The following RNF227 variants were observed in gnomAD, a reference collection of about 807,000 sequenced individuals.
The protein encoded by RNF227 is ring finger protein 227.
In RNF227, 8 loss-of-function variants were observed where a neutral mutation model predicts 4.9. That is an observed-to-expected ratio of 1.65 (90% CI 0.97 to 2.98). RNF227 has a LOEUF of 2.98. Among genes scored for constraint, RNF227 ranks in the 30% most tolerant of loss-of-function variants. The pLI is 0.00. For synonymous variants in RNF227, 63 were observed against 28.1 expected, an observed-to-expected ratio of 2.25 and a Z score of -3.94; for missense variants, 136 against 65.4, an observed-to-expected ratio of 2.08 and a Z score of -3.72.
rs1433793832 is a variant in RNF227 at position 7,913,531 on chromosome 17, C to T, written c.*1991G>A. ...TTACAGAGGGGTGGGGGAAAAGGCTCTACTATGTTGAAGGCAGAAAAAGGC... is the reference window on the plus strand; with the variant it reads ...TTACAGAGGGGTGGGGGAAAAGGCTTTACTATGTTGAAGGCAGAAAAAGGC... On this transcript the variant is annotated 3_prime_UTR_variant, in exon 2 of 2. Coordinates refer to ENST00000324348, the MANE Select transcript of RNF227 (RefSeq NM_001358699.2). 3.3e-5 allele frequency: 5 copies of T among 152,154 alleles called. No individual in the cohort carries two copies. The East Asian group carries it at 9.7e-4, about 29-fold the overall frequency. 9.4% of individuals were successfully genotyped at this position (152,154 alleles called of 1,614,324 possible).
In RNF227 at chr17:7,915,905, G is replaced by A; in HGVS notation, c.291C>T (p.Asp97=). 1.4e-6 allele frequency: 1 copy of A among 701,756 alleles called. No homozygotes were observed. The highest frequency in any genetic ancestry group is 2.6e-6 in the Non-Finnish European group (1 of 384,196). 43.5% of individuals were successfully genotyped at this position (701,756 alleles called of 1,614,324 possible). ...CCTCCAATCGCGACCACAAGTCCGA[G>A]TCAAGAGCCATCTCCGTGAGGCCGC... ...PRGGLTEMAL[D]SDLWSRLEEK... is the part of the protein sequence containing the mutation. Residue 97 remains aspartate, a synonymous_variant, in exon 1 of 2, where the codon GAC becomes GAT. Transcript: ENST00000324348.
Position 7,915,542 on chromosome 17 carries a change from G to A in RNF227, c.553C>T (p.Leu185=), listed in dbSNP as rs1971955395. The A allele has an allele frequency of 1.4e-6, 1 of 702,996 alleles. No homozygotes were observed. The highest frequency in any genetic ancestry group is 2.6e-6 in the Non-Finnish European group (1 of 385,032). The allele number at this position is 702,996 out of a possible 1,614,324, so 43.5% of individuals were successfully genotyped here. Residue 185 remains leucine (L), a synonymous_variant, in exon 2 of 2, where the codon CTG becomes TTG. Transcript: ENST00000324348. ...YCAEIKDIGH[L]TRCTL The stretch of plus-strand genomic sequence containing the variant: ...CTCGGTTACAACGTGCAACGGGTCA[G>A]GTGGCCAATGTCCTTGATCTCCGCA...
Position 7,914,189 on chromosome 17 carries a change from T to G in RNF227, c.*1333A>C, listed in dbSNP as rs1272479221. 6.6e-6 allele frequency: 1 copy of G among 152,032 alleles called. No homozygotes were observed. Among genetic ancestry groups the G allele is most frequent in the Non-Finnish European group, 1.5e-5 (1 of 68,022 alleles). 9.4% of individuals were successfully genotyped at this position (152,032 alleles called of 1,614,324 possible). A position where few individuals can be genotyped will look rare whatever the true frequency, so the allele number is the denominator to read the frequency against. On this transcript the variant is annotated 3_prime_UTR_variant, in exon 2 of 2. Coordinates refer to ENST00000324348, the MANE Select transcript of RNF227 (RefSeq NM_001358699.2). ...ACAGATGGTGATATCCTAAAGAGTG[T>G]AGGATCTAGACCAATGGTACTTAAA...
rs1246915143 is a variant in RNF227 at position 7,914,443 on chromosome 17, A to C, written c.*1079T>G. On this transcript the variant is annotated 3_prime_UTR_variant, in exon 2 of 2. Coordinates refer to ENST00000324348, the MANE Select transcript of RNF227 (RefSeq NM_001358699.2). ...GCGCCTGTAATCCCAGCTACTCCGG[A>C]GGATGAGGCAGGAGAATCGCTTGAA... The C allele has an allele frequency of 2.0e-5, 3 of 152,174 alleles. No individual in the cohort carries two copies. The highest frequency in any genetic ancestry group is 6.6e-5 in the Admixed American group (1 of 15,262). The allele number at this position is 152,174 out of a possible 1,614,324, so 9.4% of individuals were successfully genotyped here. A position where few individuals can be genotyped will look rare whatever the true frequency, so the allele number is the denominator to read the frequency against.
rs749310441 is a variant in RNF227 at position 7,915,733 on chromosome 17, A to G, written c.463T>C (p.Trp155Arg). ...SAGWRALRRL[W>R]DRVLGPARRW... ...CGCGCAGGCCCCAGGACCCTGTCCC[A>G]GAGCCGCCGGAGCGCGCGCCACCCA... Residue 155 changes from tryptophan (W) to arginine (R), a missense_variant, in exon 1 of 2, where the codon TGG becomes CGG. Trp to Arg is a moderately radical substitution (Grantham distance 101). Coordinates refer to ENST00000324348, the MANE Select transcript of RNF227 (RefSeq NM_001358699.2). 27 of 702,354 alleles carry G rather than the reference A, an allele frequency of 3.8e-5. No individual in the cohort carries two copies. Among genetic ancestry groups the G allele is most frequent in the South Asian group, 3.6e-4 (24 of 67,564 alleles). The allele number at this position is 702,354 out of a possible 1,614,324, so 43.5% of individuals were successfully genotyped here. A position where few individuals can be genotyped will look rare whatever the true frequency, so the allele number is the denominator to read the frequency against.
In RNF227 at chr17:7,913,728, G is replaced by A. The variant is rs1334003341; in HGVS notation, c.*1794C>T. On this transcript the variant is annotated 3_prime_UTR_variant, in exon 2 of 2. Coordinates refer to ENST00000324348, the MANE Select transcript of RNF227 (RefSeq NM_001358699.2). Reference sequence around the variant, plus strand: ...TCTAAAAAATTGAGGTTAATAATAAGTTCACATTTTTAACTAAGAGAAAAA... The same window carrying A: ...TCTAAAAAATTGAGGTTAATAATAAATTCACATTTTTAACTAAGAGAAAAA... 1 of 152,140 alleles carries A rather than the reference G, an allele frequency of 6.6e-6. No homozygotes were observed. Among genetic ancestry groups the A allele is most frequent in the Non-Finnish European group, 1.5e-5 (1 of 68,014 alleles). The allele number at this position is 152,140 out of a possible 1,614,324, so 9.4% of individuals were successfully genotyped here. A position where few individuals can be genotyped will look rare whatever the true frequency, so the allele number is the denominator to read the frequency against.
At chr17:7,915,639 G>C in intron 1 of RNF227, 40 bp downstream of exon 1, 1 of 702,794 alleles carries the variant, frequency 1.4e-6, no homozygotes. Context: ...GGTATTCCTC[G>C]GCGCTCTCTC....
In RNF227 at chr17:7,914,896, T is replaced by G. The variant is rs1479556697; in HGVS notation, c.*626A>C. On this transcript the variant is annotated 3_prime_UTR_variant, in exon 2 of 2. Coordinates refer to ENST00000324348, the MANE Select transcript of RNF227 (RefSeq NM_001358699.2). ...TCTCCCTTCCTACTTTGATAGGCTCTAATTAGGTGCCTCACATAAATGCCC... is the reference window on the plus strand; with the variant it reads ...TCTCCCTTCCTACTTTGATAGGCTCGAATTAGGTGCCTCACATAAATGCCC... 1 of 164,350 alleles carries G rather than the reference T, an allele frequency of 6.1e-6. No homozygotes were observed. Among genetic ancestry groups the G allele is most frequent in the East Asian group, 1.8e-4 (1 of 5,624 alleles). The allele number at this position is 164,350 out of a possible 1,614,324, so 10.2% of individuals were successfully genotyped here. A position where few individuals can be genotyped will look rare whatever the true frequency, so the allele number is the denominator to read the frequency against.
At position 7,915,719 on chromosome 17, in the gene RNF227, C is replaced by T. The variant is rs1567886587; in HGVS notation, c.477G>A (p.Leu159=). The T allele has an allele frequency of 1.4e-6, 1 of 702,604 alleles. No individual in the cohort carries two copies. Among genetic ancestry groups the T allele is most frequent in the South Asian group, 1.5e-5 (1 of 67,546 alleles). The allele number at this position is 702,604 out of a possible 1,614,324, so 43.5% of individuals were successfully genotyped here. ...GACGCCGCCAGCGCCGCGCAGGCCC[C>T]AGGACCCTGTCCCAGAGCCGCCGGA... ...RALRRLWDRV[L]GPARRWRRPL... Residue 159 remains leucine, a synonymous_variant, in exon 1 of 2, where the codon CTG becomes CTA. Transcript: ENST00000324348.
At position 7,915,859 on chromosome 17, in the gene RNF227, C is replaced by T. The variant is rs954296399; in HGVS notation, c.337G>A (p.Glu113Lys). 9 of 702,544 alleles carry T rather than the reference C, an allele frequency of 1.3e-5. No homozygotes were observed. Among genetic ancestry groups the T allele is most frequent in the Non-Finnish European group, 2.3e-5 (9 of 384,758 alleles). The allele number at this position is 702,544 out of a possible 1,614,324, so 43.5% of individuals were successfully genotyped here. ...GCCGGGTTCCCAGCCTCATCTCGTT[C>T]GCACTTGGCCCGCGCTTTTTCCTCC... is the stretch of plus-strand genomic sequence containing the variant. ...RLEEKARAKC[E>K]RDEAGNPAKE... is the part of the protein sequence containing the mutation. The change falls in exon 1 of 2, where the codon GAA (glutamate) becomes AAA (lysine). Residue 113 changes from glutamate (E) to lysine (K), a missense_variant. Glu to Lys is a moderately conservative substitution (Grantham distance 56). Coordinates refer to ENST00000324348, the MANE Select transcript of RNF227 (RefSeq NM_001358699.2).
At position 7,913,754 on chromosome 17, in the gene RNF227, T is replaced by C. The variant is rs1971915021; in HGVS notation, c.*1768A>G. 1 of 152,126 alleles carries C rather than the reference T, an allele frequency of 6.6e-6. No homozygotes were observed. Among genetic ancestry groups the C allele is most frequent in the Admixed American group, 6.5e-5 (1 of 15,280 alleles). 9.4% of individuals were successfully genotyped at this position (152,126 alleles called of 1,614,324 possible). A position where few individuals can be genotyped will look rare whatever the true frequency, so the allele number is the denominator to read the frequency against. ...TTCACATTTTTAACTAAGAGAAAAA[T>C]GTTACATAGTAGGTTAGGATTTCTT... is the stretch of plus-strand genomic sequence containing the variant. On this transcript the variant is annotated 3_prime_UTR_variant, in exon 2 of 2. Coordinates refer to ENST00000324348, the MANE Select transcript of RNF227 (RefSeq NM_001358699.2).
chr17:7,915,874 CT>C lies in RNF227; in HGVS notation c.321del (p.Ala108ArgfsTer78). 1 of 702,592 alleles carries C rather than the reference CT, an allele frequency of 1.4e-6. No individual in the cohort carries two copies. The highest frequency in any genetic ancestry group is 2.6e-6 in the Non-Finnish European group (1 of 384,696). The allele number at this position is 702,592 out of a possible 1,614,324, so 43.5% of individuals were successfully genotyped here. A position where few individuals can be genotyped will look rare whatever the true frequency, so the allele number is the denominator to read the frequency against. On this transcript the variant is annotated frameshift_variant, in exon 1 of 2. Transcript: ENST00000324348. LOFTEE classifies it high-confidence loss of function. ...TCATCTCGTTCGCACTTGGCCCGCG[CT>C]TTTTCCTCCAATCGCGACCACAAGT... ...DSDLWSRLEE[K>X]ARAKCERDEA...
rs1166042763 is a variant in RNF227, at chr17:7,916,018, C to A, written c.178G>T (p.Asp60Tyr). 8.6e-6 allele frequency: 3 copies of A among 348,456 alleles called. No homozygotes were observed. The highest frequency in any genetic ancestry group is 1.0e-5 in the Non-Finnish European group (2 of 195,058). The allele number at this position is 348,456 out of a possible 1,614,324, so 21.6% of individuals were successfully genotyped here. Residue 60 changes from aspartate to tyrosine, a missense_variant, in exon 1 of 2, where the codon GAC becomes TAC. By Grantham distance (160) the Asp-to-Tyr change is radical. Transcript: ENST00000324348. ...ACLRELAARG[D>Y]GGGAAARVVR... ...ACGCGCGCGGCCGCCCCGCCGCCGT[C>A]CCCGCGCGCCGCCAGCTCGCGGAGG... is the stretch of plus-strand genomic sequence containing the variant.
Position 7,915,572 on chromosome 17 carries a change from AG to A in RNF227, c.522del (p.Tyr175ThrfsTer11). 1 of 703,098 alleles carries A rather than the reference AG, an allele frequency of 1.4e-6. No homozygotes were observed. The allele number at this position is 703,098 out of a possible 1,614,324, so 43.6% of individuals were successfully genotyped here. A position where few individuals can be genotyped will look rare whatever the true frequency, so the allele number is the denominator to read the frequency against. On this transcript the variant is annotated frameshift_variant, in exon 2 of 2. Transcript: ENST00000324348. LOFTEE classifies it high-confidence loss of function. Reference protein sequence around the residue: ...RWRRPLPSNVLYCAEIKDIGH... With the variant: ...RWRRPLPSNVXYCAEIKDIGH... ...CCAATGTCCTTGATCTCCGCACAGT[AG>A]AGCACTGGGGGAAAGAAGAAGGGTT...
rs1426614569 is a variant in RNF227, at chr17:7,913,538, G to A, written c.*1984C>T. Reference sequence around the variant, plus strand: ...GGGGTGGGGGAAAAGGCTCTACTATGTTGAAGGCAGAAAAAGGCCTCCCAA... The same window carrying A: ...GGGGTGGGGGAAAAGGCTCTACTATATTGAAGGCAGAAAAAGGCCTCCCAA... On this transcript the variant is annotated 3_prime_UTR_variant, in exon 2 of 2. Coordinates refer to ENST00000324348, the MANE Select transcript of RNF227 (RefSeq NM_001358699.2). 6.6e-6 allele frequency: 1 copy of A among 152,142 alleles called. No individual in the cohort carries two copies. The highest frequency in any genetic ancestry group is 1.5e-5 in the Non-Finnish European group (1 of 68,028). 9.4% of individuals were successfully genotyped at this position (152,142 alleles called of 1,614,324 possible).
In RNF227 at chr17:7,915,760, C is replaced by G. The variant is rs1971959476; in HGVS notation, c.436G>C (p.Ala146Pro). Residue 146 changes from alanine (A) to proline (P), a missense_variant, in exon 1 of 2, where the codon GCT (alanine) becomes CCT (proline). Coordinates refer to ENST00000324348, the MANE Select transcript of RNF227 (RefSeq NM_001358699.2). ...AGCCGCCGGAGCGCGCGCCACCCAG[C>G]ACTCCTAGGCCCCGCCCCCTTCTCG... ...ESEKGAGPRSAGWRALRRLWD... is the reference protein window; with the variant it reads ...ESEKGAGPRSPGWRALRRLWD... The G allele has an allele frequency of 1.4e-6, 1 of 702,550 alleles. No individual in the cohort carries two copies. Among genetic ancestry groups the G allele is most frequent in the Non-Finnish European group, 2.6e-6 (1 of 384,732 alleles). 43.5% of individuals were successfully genotyped at this position (702,550 alleles called of 1,614,324 possible). A position where few individuals can be genotyped will look rare whatever the true frequency, so the allele number is the denominator to read the frequency against.
Position 7,916,082 on chromosome 17 carries a change from C to T in RNF227, c.114G>A (p.Thr38=). Residue 38 remains threonine, a synonymous_variant, in exon 1 of 2, where the codon ACG becomes ACA. Coordinates refer to ENST00000324348, the MANE Select transcript of RNF227 (RefSeq NM_001358699.2). ...TCGTGTGGCCGCAGCGGGCGCGCGC[C>T]GTTCCGGGCAGGCGGCGGGGCGCGC... ...GCRAPRRLPG[T]ARARCGHTIC... is the part of the protein sequence containing the mutation. 1 of 387,296 alleles carries T rather than the reference C, an allele frequency of 2.6e-6. No individual in the cohort carries two copies. Among genetic ancestry groups the T allele is most frequent in the Non-Finnish European group, 4.6e-6 (1 of 219,234 alleles). The allele number at this position is 387,296 out of a possible 1,614,324, so 24.0% of individuals were successfully genotyped here. A position where few individuals can be genotyped will look rare whatever the true frequency, so the allele number is the denominator to read the frequency against.
At position 7,915,184 on chromosome 17, in the gene RNF227, G is replaced by C. The variant is rs1971950100; in HGVS notation, c.*338C>G. The C allele has an allele frequency of 8.5e-5, 37 of 432,876 alleles. 2 individuals are homozygous for C. Among genetic ancestry groups the C allele is most frequent in the South Asian group, 8.3e-4 (36 of 43,328 alleles). 26.8% of individuals were successfully genotyped at this position (432,876 alleles called of 1,614,324 possible). A position where few individuals can be genotyped will look rare whatever the true frequency, so the allele number is the denominator to read the frequency against. ...ACAAAGAATTGCTAAAATGGGACCTGTTGCTCCCACACACCAGAGCCACCC... is the reference window on the plus strand; with the variant it reads ...ACAAAGAATTGCTAAAATGGGACCTCTTGCTCCCACACACCAGAGCCACCC... On this transcript the variant is annotated 3_prime_UTR_variant, in exon 2 of 2. Coordinates refer to ENST00000324348, the MANE Select transcript of RNF227 (RefSeq NM_001358699.2).
Position 7,915,977 on chromosome 17 carries a change from G to C in RNF227, c.219C>G (p.Arg73=), listed in dbSNP as rs1481378229. The part of the protein sequence containing the change: ...GAAARVVRLR[R]VVTCPFCRAP... ...CGCGGCAGAAGGGGCACGTGACCAC[G>C]CGGCGCAGGCGCACCACGCGCGCGG... The change falls in exon 1 of 2, where the codon CGC becomes CGG. Residue 73 remains arginine (R), a synonymous_variant. Coordinates refer to ENST00000324348, the MANE Select transcript of RNF227 (RefSeq NM_001358699.2). 2.2e-6 allele frequency: 1 copy of C among 444,646 alleles called. No homozygotes were observed. The highest frequency in any genetic ancestry group is 4.0e-6 in the Non-Finnish European group (1 of 249,856). The allele number at this position is 444,646 out of a possible 1,614,324, so 27.5% of individuals were successfully genotyped here.
Sources: allele counts gnomAD v4.1 joint callset, GRCh38; gene constraint gnomAD v4.1.1; transcripts MANE v1.5; gene names NCBI Gene and HGNC (gene_info 2026-07-23, HGNC 2026-07-21).